Variants in LAP3 observed in about 807,000 individuals in gnomAD.
LAP3 encodes the protein cytosol aminopeptidase.
LAP3 carries 46 observed loss-of-function variants against 58.8 expected under a neutral mutation model. That is an observed-to-expected ratio of 0.78 (90% CI 0.62 to 1.00). LAP3 has a LOEUF of 1.00. LAP3 is among the 50% of genes least tolerant of loss of function. The pLI is 0.00. For synonymous variants in LAP3, 257 were observed against 237.7 expected (o/e 1.08, Z -0.75); for missense variants, 615 against 659.1 (o/e 0.93, Z 0.73).
intron 6 of LAP3, among the ~76,000 whole-genome samples, chr4:17,587,143 G>A (rs538540029): frequency 3.3e-4 from 51 of 152,310 alleles, no homozygotes; most frequent in African/African-American, 1.2e-3. Context: ...CCTGCAGGTT[G>A]CTTAGAAGTT....
chr4:17,593,663 G>A (rs912020641), intron 7 of LAP3, among the ~76,000 whole-genome samples: 3 of 138,418 alleles, frequency 2.2e-5, no homozygotes, highest in African/African-American at 8.5e-5. Context: ...CCAGGCTGGA[G>A]TGCAGTGGTG....
chr4:17,586,652 A>AG (rs761681308), intron 6 of LAP3, among the ~76,000 whole-genome samples: 3 of 152,116 alleles, frequency 2.0e-5, no homozygotes, highest in Non-Finnish European at 4.4e-5. Context: ...CAGAGGGATG[A>AG]GGGGGACTGC....
At chr4:17,599,389 T>C (rs1384417992) in intron 10 of LAP3, among the ~76,000 whole-genome samples, 1 of 151,738 alleles carries the variant, frequency 6.6e-6, no homozygotes, top group Non-Finnish European at 1.5e-5. Context: ...ATACAAAAAT[T>C]AGTTGGGTGT....
chr4:17,604,587 GGT>G lies in LAP3; in HGVS notation c.1182_1183del (p.Ala395HisfsTer29). On this transcript the variant is annotated frameshift_variant and splice_region_variant, in exon 11 of 13. Transcript: ENST00000226299. LOFTEE classifies it high-confidence loss of function. ...GTGACCTGAGGGCTTGTGTCTTACA[GGT>G]GCCATGGATGTAGCTTTGGGATCAG... ...KVILNAATLT[G>X]AMDVALGSGA... 3.7e-6 allele frequency: 6 copies of G among 1,613,810 alleles called. No homozygotes were observed. The highest frequency in any genetic ancestry group is 5.1e-6 in the Non-Finnish European group (6 of 1,179,740).
intron 9 of LAP3, 91 bp downstream of exon 9, chr4:17,597,225 C>T (rs1713853561): frequency 1.9e-6 from 2 of 1,034,498 alleles, no homozygotes; most frequent in Non-Finnish European, 3.1e-6. Flanking sequence ...GCGTGCAGAG[C>T]CCCAGAACCA....
intron 10 of LAP3, among the ~76,000 whole-genome samples, chr4:17,603,993 G>C (rs1453378628): frequency 6.6e-6 from 1 of 151,820 alleles, no homozygotes; most frequent in Non-Finnish European, 1.5e-5. Context: ...GCTAATTTTT[G>C]TATTTTTAGT....
chr4:17,580,310 G>GCT (rs1713325715), intron 2 of LAP3, among the ~76,000 whole-genome samples: 2 of 146,970 alleles, frequency 1.4e-5, no homozygotes, highest in South Asian at 4.3e-4. Context: ...GTGAGCCACT[G>GCT]TGCCAGGCCA....
rs1288351386 is a variant in LAP3, at chr4:17,577,225, C to G, written c.-241C>G. ...ACACGAATGCGGGCGCACACGAATGCGGGCGCACACGAATGCGGGCGCACC... is the reference window on the plus strand; with the variant it reads ...ACACGAATGCGGGCGCACACGAATGGGGGCGCACACGAATGCGGGCGCACC... On this transcript the variant is annotated 5_prime_UTR_variant, in exon 1 of 13. Coordinates refer to ENST00000226299, the MANE Select transcript of LAP3 (RefSeq NM_015907.3). The G allele has an allele frequency of 1.4e-5, 5 of 361,568 alleles. No individual in the cohort carries two copies. The highest frequency in any genetic ancestry group is 9.8e-5 in the Admixed American group (2 of 20,402). The allele number at this position is 361,568 out of a possible 1,614,324, so 22.4% of individuals were successfully genotyped here. A position where few individuals can be genotyped will look rare whatever the true frequency, so the allele number is the denominator to read the frequency against.
Position 17,577,216 on chromosome 4 carries a change from A to ACACGAATGCGGGCGCT in LAP3, c.-235_-234insTCACGAATGCGGGCGC. ...CGCGGGCGCACACGAATGCGGGCGC[A>ACACGAATGCGGGCGCT]CACGAATGCGGGCGCACACGAATGC... On this transcript the variant is annotated 5_prime_UTR_variant, in exon 1 of 13. The change creates a new upstream start codon in the 5' untranslated region. Coordinates refer to ENST00000226299, the MANE Select transcript of LAP3 (RefSeq NM_015907.3). 2 of 348,178 alleles carry ACACGAATGCGGGCGCT rather than the reference A, an allele frequency of 5.7e-6. No homozygotes were observed. Among genetic ancestry groups the ACACGAATGCGGGCGCT allele is most frequent in the Non-Finnish European group, 5.2e-6 (1 of 193,876 alleles). The allele number at this position is 348,178 out of a possible 1,614,324, so 21.6% of individuals were successfully genotyped here. A position where few individuals can be genotyped will look rare whatever the true frequency, so the allele number is the denominator to read the frequency against.
At chr4:17,588,549 A>C in intron 6 of LAP3, among the ~76,000 whole-genome samples, 1 of 152,202 alleles carries the variant, frequency 6.6e-6, no homozygotes, top group African/African-American at 2.4e-5. Flanking sequence ...TGTATTAGGT[A>C]CCACACATGA....
chr4:17,587,436 T>G (rs1019739787), intron 6 of LAP3: 11 of 152,052 alleles, frequency 7.2e-5, no homozygotes, highest in East Asian at 3.9e-4. Context: ...GTTGTTTTTT[T>G]TTTTTTTTTG....
intron 2 of LAP3, 102 bp from the exon 3 acceptor site, chr4:17,581,658 C>T: frequency 4.0e-6 from 3 of 758,612 alleles, no homozygotes; most frequent in East Asian, 2.6e-5. Context: ...ACCATGGAAG[C>T]AGTTAGCAGA....
Position 17,577,496 on chromosome 4 carries a change from C to T in LAP3, c.31C>T (p.Arg11Ter), listed in dbSNP as rs1440215431. MFLLPLPAAGRVVVRRLAVRR... is the reference protein window; with the variant it reads MFLLPLPAAG Reference sequence around the variant, plus strand: ...CTTGCTGCCTCTTCCGGCTGCGGGGCGAGTAGTCGTCCGACGTCTGGCCGT... The same window carrying T: ...CTTGCTGCCTCTTCCGGCTGCGGGGTGAGTAGTCGTCCGACGTCTGGCCGT... The change falls in exon 1 of 13, where the codon CGA becomes TGA. Residue 11 changes from arginine to a stop codon, truncating the protein, a stop_gained. Coordinates refer to ENST00000226299, the MANE Select transcript of LAP3 (RefSeq NM_015907.3). LOFTEE classifies it high-confidence loss of function. The T allele has an allele frequency of 5.7e-6, 9 of 1,584,626 alleles. No homozygotes were observed. Among genetic ancestry groups the T allele is most frequent in the East Asian group, 4.6e-5 (2 of 43,212 alleles).
At chr4:17,604,738 C>A in intron 11 of LAP3, 71 bp downstream of exon 11, 4 of 1,159,440 alleles carry the variant, frequency 3.4e-6, no homozygotes, top group Non-Finnish European at 5.2e-6. Context: ...GAAGGATAGA[C>A]TTCTTCAACC....
rs184746029 is a variant in LAP3, at chr4:17,599,341, A to C, written c.1180+783A>C. On this transcript the variant is annotated intron_variant, in intron 10 of 12. Transcript: ENST00000226299. Reference sequence around the variant, plus strand: ...ATTATGAGGTCAGGAGATCGAGACCATCCTGGCCAACATGGTGAAACCTTG... The same window carrying C: ...ATTATGAGGTCAGGAGATCGAGACCCTCCTGGCCAACATGGTGAAACCTTG... Among the ~76,000 whole-genome samples, 3 of 152,226 alleles carry C rather than the reference A, an allele frequency of 2.0e-5. No homozygotes were observed. In the East Asian group the frequency reaches 5.8e-4, roughly 30 times the overall value.
chr4:17,581,843 A>G (rs1415914724), intron 3 of LAP3, 29 bp downstream of exon 3: 1 of 1,578,916 alleles, frequency 6.3e-7, no homozygotes, highest in Non-Finnish European at 8.7e-7. Flanking sequence ...CATTTGGTAA[A>G]CCCTCAATGA....
At chr4:17,585,996 T>A (rs967133833) in intron 6 of LAP3, 1 of 152,244 alleles carries the variant, frequency 6.6e-6, no homozygotes, top group Non-Finnish European at 1.5e-5. Context: ...ATCATCACTT[T>A]TGGACACAAA....
chr4:17,601,572 G>C (rs1170554263), intron 10 of LAP3, among the ~76,000 whole-genome samples: 1 of 152,116 alleles, frequency 6.6e-6, no homozygotes, highest in Non-Finnish European at 1.5e-5. Context: ...TGTATATATT[G>C]TCCCTCAGTA....
chr4:17,590,877 T>C (rs1446620169), intron 7 of LAP3, among the ~76,000 whole-genome samples: 1 of 151,072 alleles, frequency 6.6e-6, no homozygotes, highest in African/African-American at 2.4e-5. Context: ...GCCACTAAAG[T>C]GTGTATTATA....
Sources: gnomAD v4.1 joint callset for allele counts (sites outside exome capture counted in the v4.1 genomes callset) on GRCh38, gnomAD v4.1.1 for gene constraint, MANE v1.5 for transcripts, NCBI Gene and HGNC (gene_info 2026-07-23, HGNC 2026-07-21) for gene names.